Variants in KCTD1 observed in about 807,000 individuals in gnomAD.
KCTD1 encodes BTB/POZ domain-containing protein KCTD1.
In KCTD1, 24 loss-of-function variants were observed where a neutral mutation model predicts 66.0. The ratio of observed to expected loss-of-function variants is 0.36; its 90% CI spans 0.26 to 0.51. The LOEUF (loss-of-function observed/expected upper bound fraction) is 0.51. Among genes scored for constraint, KCTD1 ranks in the 20% least tolerant of loss-of-function variants. KCTD1 has a pLI of 0.95. For missense variants in KCTD1, 943 were observed against 1,205.2 expected (o/e 0.78, Z 3.22); for synonymous variants, 511 against 517.2 (o/e 0.99, Z 0.16).
At position 26,548,428 on chromosome 18, in the gene KCTD1, C is replaced by T. The variant is rs1985378656; in HGVS notation, c.109G>A (p.Gly37Ser). 2 of 1,421,450 alleles carry T rather than the reference C, an allele frequency of 1.4e-6. No homozygotes were observed. Among genetic ancestry groups the T allele is most frequent in the South Asian group, 3.0e-5 (2 of 67,472 alleles). The allele number at this position is 1,421,450 out of a possible 1,614,324, so 88.1% of individuals were successfully genotyped here. Residue 37 changes from glycine to serine, a missense_variant, in exon 1 of 5, where the codon GGC (glycine) becomes AGC (serine). Physicochemically the swap from Gly to Ser is moderately conservative, Grantham distance 56 (BLOSUM62 0). Around this residue, in one of 10 missense-constraint regions of KCTD1, gnomAD observed 236 missense variants for 206.6 expected, o/e 1.14. Coordinates refer to ENST00000580059, the MANE Select transcript of KCTD1 (RefSeq NM_001142730.3). Reference sequence around the variant, plus strand: ...TGGCGGCGGCCGCGGCCCCCCGCGCCGCGCTCGCCCTCGCCCCGCTCCCCA... The same window carrying T: ...TGGCGGCGGCCGCGGCCCCCCGCGCTGCGCTCGCCCTCGCCCCGCTCCCCA... ...NNGERGEGER[G>S]AGGRGRRHSR...
At position 26,455,842 on chromosome 18, in the gene KCTD1, T is replaced by C. The variant is rs778973790; in HGVS notation, c.2499A>G (p.Val833=). Residue 833 remains valine (V), a synonymous_variant, in exon 5 of 5, where the codon GTA becomes GTG. Transcript: ENST00000580059. ...CGTATTCGCTGAACTGGGACGAGTC[T>C]ACTCCTCCCCCACAGGAGCCCACGA... ...FEIVGSCGGG[V]DSSQFSEYVL... 5.6e-6 allele frequency: 9 copies of C among 1,614,140 alleles called. No homozygotes were observed. The highest frequency in any genetic ancestry group is 1.3e-5 in the African/African-American group (1 of 75,052).
intron 1 of KCTD1, among the ~76,000 whole-genome samples, chr18:26,535,971 CA>C (rs36119174): frequency 0.31 from 38,068 of 122,686 alleles, 5,494 homozygotes; most frequent in South Asian, 0.43. Flanking sequence ...GTGATTCCTC[CA>C]AAAAAAAAAA....
chr18:26,651,294 G>A (rs1988026984), intron 1 of KCTD1, among the ~76,000 whole-genome samples: 1 of 151,402 alleles, frequency 6.6e-6, no homozygotes, highest in South Asian at 2.1e-4. Flanking sequence ...GGGTGTAGAT[G>A]AGAAAGCAGA....
upstream of KCTD1, chr18:26,548,832 G>GA (rs201755216): frequency 2.0e-3 from 1,807 of 923,004 alleles, no homozygotes; most frequent in African/African-American, 8.7e-3. Flanking sequence ...AACTTTGAAG[G>GA]AAAAAAAAAA....
intron 1 of KCTD1, among the ~76,000 whole-genome samples, chr18:26,510,570 T>C (rs1248917981): frequency 6.6e-6 from 1 of 152,228 alleles, no homozygotes. Context: ...TTTTGTTTTT[T>C]TTCTTTTTCA....
chr18:26,529,398 C>CT (rs1466362632), intron 1 of KCTD1, among the ~76,000 whole-genome samples: 2 of 152,242 alleles, frequency 1.3e-5, no homozygotes, highest in African/African-American at 4.8e-5. Flanking sequence ...CCTCTCTAGG[C>CT]TACAAGCCCG....
intron 1 of KCTD1, among the ~76,000 whole-genome samples, chr18:26,616,590 G>C (rs1414359301): frequency 6.6e-6 from 1 of 151,960 alleles, no homozygotes; most frequent in African/African-American, 2.4e-5. Flanking sequence ...CACAATCATA[G>C]GTCACTGTAA....
At chr18:26,518,083 T>C (rs780740747) in intron 1 of KCTD1, among the ~76,000 whole-genome samples, 1 of 152,196 alleles carries the variant, frequency 6.6e-6, no homozygotes. Flanking sequence ...CCCCCATCTC[T>C]AGCACAGAGC....
chr18:26,483,747 A>ATGTGTG (rs146149128), intron 2 of KCTD1, among the ~76,000 whole-genome samples: 1 of 150,334 alleles, frequency 6.7e-6, no homozygotes, highest in African/African-American at 2.4e-5. Flanking sequence ...CACAACGGAG[A>ATGTGTG]TGTGTGTGTG....
At chr18:26,635,538 G>A (rs1338683988) in intron 1 of KCTD1, among the ~76,000 whole-genome samples, 2 of 152,190 alleles carry the variant, frequency 1.3e-5, no homozygotes, top group Non-Finnish European at 2.9e-5. Context: ...CACCCATCAT[G>A]CACCCCTCTC....
intron 1 of KCTD1, among the ~76,000 whole-genome samples, chr18:26,594,075 C>T (rs1568004116): frequency 6.6e-6 from 1 of 152,200 alleles, no homozygotes; most frequent in Non-Finnish European, 1.5e-5. Context: ...TAACAAGTGG[C>T]ATGATTTACC....
At position 26,515,671 on chromosome 18, in the gene KCTD1, G is replaced by A. The variant is rs576991730; in HGVS notation, c.1810-14421C>T. Among the ~76,000 whole-genome samples the A allele has an allele frequency of 1.3e-4, 20 of 151,968 alleles. No homozygotes were observed. In the South Asian group the frequency reaches 1.5e-3, roughly 11 times the overall value. On this transcript the variant is annotated intron_variant, in intron 1 of 4. Coordinates refer to ENST00000580059, the MANE Select transcript of KCTD1 (RefSeq NM_001142730.3). ...ATTACAGGTGTGCGCCACCAAGCCCGGCTAATTTTTGTATTTTTAGTAGAG... is the reference window on the plus strand; with the variant it reads ...ATTACAGGTGTGCGCCACCAAGCCCAGCTAATTTTTGTATTTTTAGTAGAG...
chr18:26,466,173 A>ATG (rs1192627418), intron 3 of KCTD1, among the ~76,000 whole-genome samples: 11 of 152,252 alleles, frequency 7.2e-5, no homozygotes, highest in African/African-American at 2.4e-4. Flanking sequence ...CCTAGAAGCA[A>ATG]TGTGTGTGTT....
intron 2 of KCTD1, among the ~76,000 whole-genome samples, chr18:26,480,639 G>A (rs766017261): frequency 1.3e-4 from 20 of 152,030 alleles, no homozygotes; most frequent in Middle Eastern, 3.2e-3. Context: ...GTGGTGGCAC[G>A]CACCTGTAAT....
upstream of KCTD1, among the ~76,000 whole-genome samples, chr18:26,630,371 A>T (rs1328583020): frequency 6.6e-6 from 1 of 152,188 alleles, no homozygotes; most frequent in Admixed American, 6.5e-5. Flanking sequence ...GCTGGAGTAC[A>T]TTGGCACAAT....
chr18:26,544,594 G>A (rs554590872), intron 1 of KCTD1: 16 of 152,078 alleles, frequency 1.1e-4, no homozygotes, highest in East Asian at 1.9e-4. Context: ...CATTTCCTGC[G>A]GATTAATGAC....
intron 1 of KCTD1, chr18:26,591,600 T>C (rs953827204): frequency 6.6e-6 from 1 of 152,188 alleles, no homozygotes; most frequent in Non-Finnish European, 1.5e-5. Context: ...GAAATTGCAA[T>C]ACGTACTAAA....
At chr18:26,562,824 C>T (rs547831107) in intron 1 of KCTD1, among the ~76,000 whole-genome samples, 1 of 152,278 alleles carries the variant, frequency 6.6e-6, no homozygotes, top group African/African-American at 2.4e-5. Context: ...AGAGGGCTCT[C>T]TGGCATCTCT....
In KCTD1 at chr18:26,547,395, G is replaced by A; in HGVS notation, c.1142C>T (p.Thr381Met). 1 of 1,551,398 alleles carries A rather than the reference G, an allele frequency of 6.4e-7. No homozygotes were observed. The highest frequency in any genetic ancestry group is 8.7e-7 in the Non-Finnish European group (1 of 1,146,776). ...DEENLPRMYE[T>M]GTEFCPYASF... is the part of the protein sequence containing the mutation. ...GGCGTAGGGGCAGAACTCGGTGCCC[G>A]TCTCATACATGCGGGGCAAGTTCTC... Residue 381 changes from threonine to methionine, a missense_variant, in exon 1 of 5, where the codon ACG becomes ATG. This residue lies in a region of KCTD1 where 79 missense variants were observed against 133.9 expected (regional missense o/e 0.59). Coordinates refer to ENST00000580059, the MANE Select transcript of KCTD1 (RefSeq NM_001142730.3).
Sources: gnomAD v4.1 joint callset for allele counts (sites outside exome capture counted in the v4.1 genomes callset) on GRCh38, gnomAD v4.1.1 for gene constraint, gnomAD v4.1.1 regional missense constraint, MANE v1.5 for transcripts, NCBI Gene and HGNC (gene_info 2026-07-23, HGNC 2026-07-21) for gene names.